The following ADRA1A variants were observed in gnomAD, a reference collection of about 807,000 sequenced individuals.
ADRA1A encodes alpha-1A adrenergic receptor.
In ADRA1A, 31 loss-of-function variants were observed where a neutral mutation model predicts 29.6. That is an observed-to-expected ratio of 1.05 (90% CI 0.79 to 1.41). ADRA1A has a LOEUF of 1.41. ADRA1A is among the 40% of genes most tolerant of loss of function. The pLI is 0.00. For missense variants in ADRA1A, 619 were observed against 601.1 expected, an observed-to-expected ratio of 1.03 and a Z score of -0.31; for synonymous variants, 311 against 254.3, an observed-to-expected ratio of 1.22 and a Z score of -2.12.
At chr8:26,807,517 G>T (rs958841105) in intron 2 of ADRA1A, among the ~76,000 whole-genome samples, 1 of 152,160 alleles carries the variant, frequency 6.6e-6, no homozygotes, top group Non-Finnish European at 1.5e-5. Context: ...ATGTTGCATT[G>T]TTAATTTTGG....
chr8:26,757,839 C>T (rs1805274323), intron 2 of ADRA1A, among the ~76,000 whole-genome samples: 1 of 140,674 alleles, frequency 7.1e-6, no homozygotes, highest in Non-Finnish European at 1.5e-5. Flanking sequence ...TTTCCCATAA[C>T]ATCATTTATA....
chr8:26,788,680 G>A (rs1807586086), intron 2 of ADRA1A, among the ~76,000 whole-genome samples: 2 of 152,108 alleles, frequency 1.3e-5, no homozygotes, highest in South Asian at 4.1e-4. Flanking sequence ...ATGAGACTCG[G>A]GGAGTTTAAT....
chr8:26,858,573 A>G (rs140829195), intron 2 of ADRA1A, among the ~76,000 whole-genome samples: 13 of 152,348 alleles, frequency 8.5e-5, no homozygotes, highest in Admixed American at 2.0e-4. Context: ...TCAGCAGCAC[A>G]CTGCCTCTGG....
intron 2 of ADRA1A, among the ~76,000 whole-genome samples, chr8:26,863,212 C>A (rs1813612000): frequency 6.6e-6 from 1 of 152,134 alleles, no homozygotes; most frequent in South Asian, 2.1e-4. Context: ...TAGCACACAA[C>A]CATTTTGGGA....
chr8:26,803,147 T>C (rs758733290), intron 2 of ADRA1A, among the ~76,000 whole-genome samples: 5 of 152,164 alleles, frequency 3.3e-5, no homozygotes, highest in Non-Finnish European at 5.9e-5. Flanking sequence ...ATATGAAGAA[T>C]GATATCTAGT....
At chr8:26,795,486 T>C (rs1470867473) in intron 2 of ADRA1A, among the ~76,000 whole-genome samples, 1 of 152,146 alleles carries the variant, frequency 6.6e-6, no homozygotes, top group Non-Finnish European at 1.5e-5. Flanking sequence ...AATCTACACC[T>C]CAGTTAATCA....
chr8:26,820,286 A>G (rs976310727), intron 2 of ADRA1A, among the ~76,000 whole-genome samples: 3 of 152,200 alleles, frequency 2.0e-5, no homozygotes, highest in African/African-American at 7.2e-5. Context: ...GCAGCATAAT[A>G]TATGTTTTTC....
intron 2 of ADRA1A, among the ~76,000 whole-genome samples, chr8:26,834,740 A>T (rs950221366): frequency 2.6e-5 from 4 of 152,208 alleles, no homozygotes; most frequent in African/African-American, 9.6e-5. Flanking sequence ...GTATCAAAGC[A>T]TGTCCTCTGG....
chr8:26,793,608 G>A (rs1014817864), intron 2 of ADRA1A, among the ~76,000 whole-genome samples: 1 of 151,956 alleles, frequency 6.6e-6, no homozygotes, highest in African/African-American at 2.4e-5. Context: ...GTAAGAGGAA[G>A]AGTATAATTG....
downstream of ADRA1A, among the ~76,000 whole-genome samples, chr8:26,752,500 C>T (rs1052068606): frequency 8.5e-5 from 13 of 152,270 alleles, no homozygotes; most frequent in South Asian, 8.3e-4. Flanking sequence ...GTACAGCTGC[C>T]GGCATTTACC....
chr8:26,867,300 C>G (rs1406235902), upstream of ADRA1A: 5 of 985,238 alleles, frequency 5.1e-6, no homozygotes, highest in Non-Finnish European at 4.8e-6. Context: ...CAGCTAGTAC[C>G]GTAATCTCCT....
At chr8:26,836,924 G>A (rs918106222) in intron 2 of ADRA1A, among the ~76,000 whole-genome samples, 6 of 152,158 alleles carry the variant, frequency 3.9e-5, no homozygotes, top group African/African-American at 1.4e-4. Flanking sequence ...CCAAAGAGCT[G>A]AGAGAAGGGC....
rs1404469229 is a variant in ADRA1A at position 26,848,186 on chromosome 8, C to T, written c.883+15901G>A. On this transcript the variant is annotated intron_variant, in intron 2 of 2. Transcript: ENST00000380573. The surrounding 1 kb of genome is among the most constrained non-coding windows in gnomAD (Gnocchi z 4.3). ...CCCTTGCGTGCCTCAGTTTCCTTAT[C>T]TCTACATGAGCATAGCAACCTCCAT... Among the ~76,000 whole-genome samples the T allele has an allele frequency of 6.6e-6, 1 of 152,232 alleles. No homozygotes were observed. The highest frequency in any genetic ancestry group is 1.9e-4 in the East Asian group (1 of 5,178).
Position 26,864,507 on chromosome 8 carries a change from G to GAGCAGAC in ADRA1A, c.462_463insGTCTGCT (p.Leu155ValfsTer148). 6.2e-7 allele frequency: 1 copy of GAGCAGAC among 1,614,032 alleles called. No homozygotes were observed. The highest frequency in any genetic ancestry group is 8.5e-7 in the Non-Finnish European group (1 of 1,180,032). On this transcript the variant is annotated frameshift_variant, in exon 2 of 3. Transcript: ENST00000380573. LOFTEE classifies it high-confidence loss of function. This position sits in a 1 kb window ranked among gnomAD's most constrained non-coding sequence, Gnocchi z 8.1. ...AACAGGGGTCCAATGGATATGACCAGGGAGAGTGCCCAGACGCAGAGCAGA... is the reference window on the plus strand; with the variant it reads ...AACAGGGGTCCAATGGATATGACCAGAGCAGACGGAGAGTGCCCAGACGCAGAGCAGA...
rs192729728 is a variant in ADRA1A at position 26,788,476 on chromosome 8, A to G, written c.884-17810T>C. 2.6e-5 allele frequency among the ~76,000 whole-genome samples: 4 copies of G among 152,316 alleles called. No individual in the cohort carries two copies. The East Asian group carries it at 7.7e-4, about 29-fold the overall frequency. On this transcript the variant is annotated intron_variant, in intron 2 of 2. Transcript: ENST00000380573. Reference sequence around the variant, plus strand: ...TTTAAGTTTCATGATCTCATAACCCATGTGGAGAGTTCTTCCTAGCACCAT... The same window carrying G: ...TTTAAGTTTCATGATCTCATAACCCGTGTGGAGAGTTCTTCCTAGCACCAT...
intron 2 of ADRA1A, among the ~76,000 whole-genome samples, chr8:26,811,016 T>A (rs553272469): frequency 6.6e-6 from 1 of 152,322 alleles, no homozygotes; most frequent in East Asian, 1.9e-4. Flanking sequence ...TAGAAAAAGA[T>A]GAAGGAACTG....
At chr8:26,859,257 T>G in intron 2 of ADRA1A, 2 of 1,157,530 alleles carry the variant, frequency 1.7e-6, no homozygotes, top group Non-Finnish European at 2.3e-6. Context: ...ACATTTTGCA[T>G]GAAAAACATA....
At chr8:26,828,861 G>A (rs950416938) in intron 2 of ADRA1A, among the ~76,000 whole-genome samples, 18 of 152,074 alleles carry the variant, frequency 1.2e-4, no homozygotes, top group Admixed American at 2.6e-4. Context: ...GGAATTCTGG[G>A]TAAGAGCCCA....
At chr8:26,798,691 T>C (rs1212461348) in intron 2 of ADRA1A, among the ~76,000 whole-genome samples, 1 of 152,166 alleles carries the variant, frequency 6.6e-6, no homozygotes, top group Non-Finnish European at 1.5e-5. Flanking sequence ...GTTTAGAGAA[T>C]ATACTAAAGT....
Sources: gnomAD v4.1 joint callset for allele counts (sites outside exome capture counted in the v4.1 genomes callset) on GRCh38, gnomAD v4.1.1 for gene constraint, Gnocchi (gnomAD v3.1) non-coding constraint, MANE v1.5 for transcripts, NCBI Gene and HGNC (gene_info 2026-07-23, HGNC 2026-07-21) for gene names.